Variants in ENOX1 observed in about 807,000 individuals in gnomAD.
ENOX1 encodes the protein candidate growth-related and time keeping constitutive hydroquinone (NADH) oxidase.
In ENOX1, 42 loss-of-function variants were observed where a neutral mutation model predicts 82.5. That is an observed-to-expected ratio of 0.51 (90% CI 0.40 to 0.66). ENOX1 has a LOEUF of 0.66. Ranked by LOEUF, ENOX1 falls within the 30% of genes least tolerant of loss-of-function variation. The pLI is 0.00. For synonymous variants in ENOX1, 271 were observed against 282.2 expected (o/e 0.96, Z 0.40); for missense variants, 608 against 811.6 (o/e 0.75, Z 3.05).
intron 3 of ENOX1, among the ~76,000 whole-genome samples, chr13:43,483,165 T>C (rs566547705): frequency 3.9e-4 from 59 of 152,320 alleles, no homozygotes; most frequent in African/African-American, 1.3e-3. Flanking sequence ...AGATGTGTCA[T>C]GCTAGAAAGT....
At chr13:43,647,806 A>G (rs2083965613) in intron 2 of ENOX1, among the ~76,000 whole-genome samples, 1 of 152,200 alleles carries the variant, frequency 6.6e-6, no homozygotes, top group Non-Finnish European at 1.5e-5. Context: ...GAGATGGGAG[A>G]TTATCCTGTA....
chr13:43,677,797 G>A (rs185411889), intron 1 of ENOX1, among the ~76,000 whole-genome samples: 107 of 152,290 alleles, frequency 7.0e-4, no homozygotes, highest in African/African-American at 2.3e-3. Flanking sequence ...ACAAGTGAAA[G>A]AATCTGTATC....
intron 5 of ENOX1, among the ~76,000 whole-genome samples, chr13:43,375,072 A>G (rs1398335821): frequency 6.6e-6 from 1 of 152,248 alleles, no homozygotes; most frequent in East Asian, 1.9e-4. Flanking sequence ...ACAAACAAGC[A>G]ATCAATACAC....
In ENOX1 at chr13:43,359,894, G is replaced by A. The variant is rs1477136261; in HGVS notation, c.546C>T (p.Arg182=). ...TATCAACCATGAATTCCTCTGCAAAGCGAATGTGACAAAAATTCTTCTTGC... is the reference window on the plus strand; with the variant it reads ...TATCAACCATGAATTCCTCTGCAAAACGAATGTGACAAAAATTCTTCTTGC... The part of the protein sequence containing the change: ...RKSKKNFCHI[R]FAEEFMVDKA... Residue 182 remains arginine, a synonymous_variant, in exon 7 of 17, where the codon CGC becomes CGT. Transcript: ENST00000690772. 1.2e-6 allele frequency: 2 copies of A among 1,614,200 alleles called. No homozygotes were observed. The highest frequency in any genetic ancestry group is 3.3e-5 in the Admixed American group (2 of 60,032).
intron 3 of ENOX1, among the ~76,000 whole-genome samples, chr13:43,457,179 T>C (rs2057273574): frequency 6.6e-6 from 1 of 152,224 alleles, no homozygotes; most frequent in Non-Finnish European, 1.5e-5. Context: ...GTTTCTAGTG[T>C]TATACATTTT....
At chr13:43,546,527 ACT>A (rs545170797) in intron 2 of ENOX1, 40 of 152,314 alleles carry the variant, frequency 2.6e-4, no homozygotes, top group Middle Eastern at 6.8e-3. Context: ...AAAGGGAAAC[ACT>A]GAGACTGCAA....
At chr13:43,230,904 G>A (rs754834) in intron 15 of ENOX1, among the ~76,000 whole-genome samples, 42,813 of 152,088 alleles carry the variant, frequency 0.28, 6,625 homozygotes, top group East Asian at 0.49. Flanking sequence ...TGAGTGGAAT[G>A]AGAAATGGAA....
At chr13:43,421,428 G>T (rs766852639) in intron 3 of ENOX1, among the ~76,000 whole-genome samples, 3 of 152,192 alleles carry the variant, frequency 2.0e-5, no homozygotes, top group Middle Eastern at 3.2e-3. Context: ...ATCACAAGTT[G>T]TAAGGAGCTT....
intron 8 of ENOX1, among the ~76,000 whole-genome samples, chr13:43,349,022 C>T (rs113750447): frequency 6.6e-6 from 1 of 152,108 alleles, no homozygotes; most frequent in Non-Finnish European, 1.5e-5. Context: ...TGGAATGTAT[C>T]CCCCAAAGGT....
intron 1 of ENOX1, among the ~76,000 whole-genome samples, chr13:43,701,392 G>A (rs890386035): frequency 2.0e-5 from 3 of 152,026 alleles, no homozygotes; most frequent in African/African-American, 4.8e-5. Context: ...GGGTGCACAC[G>A]GTTACAAACC....
At chr13:43,480,285 A>AGTG (rs1472360113) in intron 3 of ENOX1, among the ~76,000 whole-genome samples, 1 of 152,218 alleles carries the variant, frequency 6.6e-6, no homozygotes, top group Non-Finnish European at 1.5e-5. Flanking sequence ...TGCATCACAA[A>AGTG]GAACTGTCCC....
At chr13:43,416,228 T>C (rs1312102774) in intron 3 of ENOX1, among the ~76,000 whole-genome samples, 3 of 100,642 alleles carry the variant, frequency 3.0e-5, no homozygotes, top group African/African-American at 4.2e-5. Flanking sequence ...CGCTCCTCAC[T>C]TCCCAGATGA....
At chr13:43,233,251 C>G (rs1405385011) in intron 15 of ENOX1, among the ~76,000 whole-genome samples, 1 of 152,156 alleles carries the variant, frequency 6.6e-6, no homozygotes, top group Non-Finnish European at 1.5e-5. Flanking sequence ...AAATTGATTA[C>G]AAAATGAATA....
At chr13:43,355,866 C>T (rs1426937228) in intron 8 of ENOX1, 53 bp downstream of exon 8, 4 of 1,536,564 alleles carry the variant, frequency 2.6e-6, no homozygotes, top group Non-Finnish European at 3.6e-6. Context: ...GCACAGGGTT[C>T]CGTGTCTGGG....
At chr13:43,218,680 G>T (rs1441617881) in intron 16 of ENOX1, among the ~76,000 whole-genome samples, 3 of 152,154 alleles carry the variant, frequency 2.0e-5, no homozygotes, top group Non-Finnish European at 4.4e-5. Flanking sequence ...GTTGTTTAAA[G>T]ATATTTATAT....
chr13:43,616,488 C>T (rs1489318778), intron 2 of ENOX1, among the ~76,000 whole-genome samples: 3 of 151,536 alleles, frequency 2.0e-5, no homozygotes, highest in Admixed American at 2.0e-4. Context: ...AGACACGAGC[C>T]ACCATACCCA....
At chr13:43,523,463 G>C (rs993120330) in intron 2 of ENOX1, among the ~76,000 whole-genome samples, 8 of 152,192 alleles carry the variant, frequency 5.3e-5, no homozygotes, top group African/African-American at 1.9e-4. Context: ...CTAAAGAGAA[G>C]ATGCGAGGAG....
rs1485708932 is a variant in ENOX1, at chr13:43,535,000, T to A, written c.-218-50848A>T. Among the ~76,000 whole-genome samples, 3 of 152,192 alleles carry A rather than the reference T, an allele frequency of 2.0e-5. No homozygotes were observed. In the South Asian group the frequency reaches 6.2e-4, roughly 32 times the overall value. ...TTCAATTATTTGCATTCATGTACAG[T>A]TTTCATTATCAGAGATCTGAGCCTG... is the stretch of plus-strand genomic sequence containing the variant. On this transcript the variant is annotated intron_variant, in intron 2 of 16. Transcript: ENST00000690772.
chr13:43,428,097 C>T (rs1196900506), intron 3 of ENOX1, among the ~76,000 whole-genome samples: 2 of 152,196 alleles, frequency 1.3e-5, no homozygotes, highest in Admixed American at 6.5e-5. Context: ...GCCCTTACCC[C>T]AGTCAGCCTT....
Sources: allele counts gnomAD v4.1 joint callset (sites outside exome capture counted in the v4.1 genomes callset), GRCh38; gene constraint gnomAD v4.1.1; transcripts MANE v1.5; gene names NCBI Gene and HGNC (gene_info 2026-07-23, HGNC 2026-07-21).